Variants in INPP4B observed in about 807,000 individuals in gnomAD.
INPP4B encodes inositol polyphosphate 4-phosphatase type II.
A neutral mutation model predicts 122.5 loss-of-function variants in INPP4B; 55 were observed. The observed-to-expected ratio is 0.45, with a 90% confidence interval of 0.36 to 0.56. The LOEUF is 0.56. Ranked by LOEUF, INPP4B falls within the 20% of genes least tolerant of loss-of-function variation. The probability of loss-of-function intolerance (pLI) is 0.00; values close to 1 mark genes in which losing one functional copy is unlikely to be tolerated. For missense variants in INPP4B, 1,000 were observed against 1,097.7 expected, an observed-to-expected ratio of 0.91 and a Z score of 1.26; for synonymous variants, 403 against 388.7, an observed-to-expected ratio of 1.04 and a Z score of -0.43.
intron 2 of INPP4B, among the ~76,000 whole-genome samples, chr4:142,531,767 A>T (rs1039831747): frequency 6.6e-6 from 1 of 152,154 alleles, no homozygotes; most frequent in African/African-American, 2.4e-5. Flanking sequence ...AATATAGTAA[A>T]ATACAAGTCA....
intron 1 of INPP4B, among the ~76,000 whole-genome samples, chr4:142,757,714 T>C (rs1460011664): frequency 7.5e-6 from 1 of 134,152 alleles, no homozygotes; most frequent in Non-Finnish European, 1.6e-5. Context: ...CTTCCAAATT[T>C]GGGCAATTAT....
chr4:142,619,131 C>T (rs1020073646), intron 2 of INPP4B, among the ~76,000 whole-genome samples: 8 of 151,694 alleles, frequency 5.3e-5, no homozygotes, highest in Non-Finnish European at 1.2e-4. Context: ...TTTGTGCCAT[C>T]CTGAGAATGT....
At chr4:142,119,525 T>C (rs1386214531) in intron 21 of INPP4B, among the ~76,000 whole-genome samples, 1 of 151,754 alleles carries the variant, frequency 6.6e-6, no homozygotes, top group Non-Finnish European at 1.5e-5. Flanking sequence ...AAACCATCAT[T>C]CAGAGCAAAC....
intron 2 of INPP4B, among the ~76,000 whole-genome samples, chr4:142,552,571 C>T (rs1728231982): frequency 6.6e-6 from 1 of 152,034 alleles, no homozygotes; most frequent in Non-Finnish European, 1.5e-5. Flanking sequence ...TCTCATATCA[C>T]CAAAACCTAA....
At position 142,502,307 on chromosome 4, in the gene INPP4B, G is replaced by T. The variant is rs537803789; in HGVS notation, c.-190-39581C>A. On this transcript the variant is annotated intron_variant, in intron 2 of 25. Coordinates refer to ENST00000262992, the MANE Select transcript of INPP4B (RefSeq NM_001101669.3). ...CCCAGAGCTAACATTCTTTTCTGCT[G>T]AACCCAAATTTTTAGCCTTAGCCTT... is the stretch of plus-strand genomic sequence containing the variant. Among the ~76,000 whole-genome samples the T allele has an allele frequency of 2.3e-3, 344 of 152,188 alleles. 2 individuals are homozygous for T. The highest frequency in any genetic ancestry group is 3.7e-3 in the Non-Finnish European group (253 of 68,006).
chr4:142,164,877 C>T (rs1465728802), intron 16 of INPP4B, among the ~76,000 whole-genome samples: 1 of 151,650 alleles, frequency 6.6e-6, no homozygotes, highest in Non-Finnish European at 1.5e-5. Context: ...GGATTAAAAA[C>T]GTGAGCTACT....
At chr4:142,252,051 C>T (rs188660779) in intron 11 of INPP4B, among the ~76,000 whole-genome samples, 66 of 152,288 alleles carry the variant, frequency 4.3e-4, no homozygotes, top group South Asian at 2.1e-4. Context: ...CACTGTTTAC[C>T]GCATAGGTGA....
intron 2 of INPP4B, among the ~76,000 whole-genome samples, chr4:142,480,958 A>G (rs1415140444): frequency 6.6e-6 from 1 of 151,978 alleles, no homozygotes. Flanking sequence ...ATGATGGTGA[A>G]ACCCCGTCTC....
chr4:142,822,327 A>G (rs1460847207), intron 1 of INPP4B, among the ~76,000 whole-genome samples: 1 of 152,180 alleles, frequency 6.6e-6, no homozygotes, highest in Non-Finnish European at 1.5e-5. Flanking sequence ...ATGAGGAAAC[A>G]ATGGCTTACA....
intron 1 of INPP4B, among the ~76,000 whole-genome samples, chr4:142,762,113 A>G (rs1771429745): frequency 6.6e-6 from 1 of 152,100 alleles, no homozygotes; most frequent in Non-Finnish European, 1.5e-5. Flanking sequence ...CCCACACACC[A>G]GGCTTTTTCT....
chr4:142,210,606 A>T (rs1435869317), intron 12 of INPP4B, among the ~76,000 whole-genome samples: 2 of 152,226 alleles, frequency 1.3e-5, no homozygotes, highest in South Asian at 4.1e-4. Flanking sequence ...TGATATATCC[A>T]AGTCTAGAAG....
intron 7 of INPP4B, among the ~76,000 whole-genome samples, chr4:142,383,588 C>T (rs1794941121): frequency 6.6e-6 from 1 of 152,066 alleles, no homozygotes; most frequent in Admixed American, 6.6e-5. Context: ...TGCAACTTAA[C>T]TCAACCACTC....
chr4:142,115,633 G>A (rs1308242485), intron 21 of INPP4B, among the ~76,000 whole-genome samples: 2 of 152,244 alleles, frequency 1.3e-5, no homozygotes, highest in Non-Finnish European at 1.5e-5. Context: ...TCACCACCAG[G>A]CCTGCCTTAC....
chr4:142,199,662 T>C (rs926122057), intron 14 of INPP4B, among the ~76,000 whole-genome samples: 1 of 152,074 alleles, frequency 6.6e-6, no homozygotes, highest in African/African-American at 2.4e-5. Flanking sequence ...TCTTTCATTG[T>C]CTCTCATAAT....
At chr4:142,720,767 C>G (rs1394917959) in intron 2 of INPP4B, among the ~76,000 whole-genome samples, 1 of 14,230 alleles carries the variant, frequency 7.0e-5, no homozygotes, top group African/African-American at 2.9e-4. Flanking sequence ...TATAATCTCT[C>G]TCTCTCTCTC....
At chr4:142,733,372 A>C (rs903760635) in intron 1 of INPP4B, among the ~76,000 whole-genome samples, 2 of 152,202 alleles carry the variant, frequency 1.3e-5, no homozygotes, top group Non-Finnish European at 2.9e-5. Context: ...CAAGCCATGG[A>C]GTATAAAAAG....
intron 2 of INPP4B, among the ~76,000 whole-genome samples, chr4:142,634,548 C>T (rs558909124): frequency 3.2e-4 from 49 of 152,202 alleles, no homozygotes; most frequent in African/African-American, 1.1e-3. Flanking sequence ...ATTAACATTG[C>T]AATTCAGCAT....
At chr4:142,781,047 T>C (rs921109756) in intron 1 of INPP4B, among the ~76,000 whole-genome samples, 1 of 152,194 alleles carries the variant, frequency 6.6e-6, no homozygotes, top group African/African-American at 2.4e-5. Flanking sequence ...GCTATAACAA[T>C]GCGGTTCTTT....
At chr4:142,133,965 T>C (rs1802643913) in intron 18 of INPP4B, among the ~76,000 whole-genome samples, 1 of 152,210 alleles carries the variant, frequency 6.6e-6, no homozygotes, top group African/African-American at 2.4e-5. Context: ...TATATTTTTT[T>C]CTACAGCCTC....
Sources: allele counts gnomAD v4.1 joint callset (sites outside exome capture counted in the v4.1 genomes callset), GRCh38; gene constraint gnomAD v4.1.1; transcripts MANE v1.5; gene names NCBI Gene and HGNC (gene_info 2026-07-23, HGNC 2026-07-21).